PTPRG: variants seen among roughly 807,000 people sequenced by gnomAD.
The protein encoded by PTPRG is protein tyrosine phosphatase receptor type G.
In PTPRG, 102 loss-of-function variants were observed where a neutral mutation model predicts 165.3. That is an observed-to-expected ratio of 0.62 (90% CI 0.53 to 0.73). The LOEUF (loss-of-function observed/expected upper bound fraction) is 0.73, where lower values mean the gene tolerates loss of function less well. Among genes scored for constraint, PTPRG ranks in the 30% least tolerant of loss-of-function variants. PTPRG has a pLI of 0.00. For synonymous variants in PTPRG, 675 were observed against 669.5 expected (o/e 1.01, Z -0.13); for missense variants, 1,866 against 1,861.4 (o/e 1.00, Z -0.05).
intron 25 of PTPRG, among the ~76,000 whole-genome samples, chr3:62,277,303 A>G (rs1702262221): frequency 6.6e-6 from 1 of 152,172 alleles, no homozygotes; most frequent in Non-Finnish European, 1.5e-5. Flanking sequence ...GTCTTTGAAT[A>G]AATGTTGAAA....
Position 62,222,931 on chromosome 3 carries a change from A to G in PTPRG, c.2288+3948A>G, listed in dbSNP as rs113693344. ...TGGAGAAGGATAAATCCAAGTTGCTATAACAGCATATAGGAAGGGCTTCAG... is the reference window on the plus strand; with the variant it reads ...TGGAGAAGGATAAATCCAAGTTGCTGTAACAGCATATAGGAAGGGCTTCAG... On this transcript the variant is annotated intron_variant, in intron 13 of 29. Transcript: ENST00000474889. The surrounding 1 kb of genome is among the most constrained non-coding windows in gnomAD (Gnocchi z 4.5). 1.5e-3 allele frequency among the ~76,000 whole-genome samples: 225 copies of G among 152,256 alleles called. 2 individuals are homozygous for G. Among genetic ancestry groups the G allele is most frequent in the African/African-American group, 5.1e-3 (212 of 41,550 alleles).
chr3:62,189,157 G>T (rs1042829899), intron 8 of PTPRG, among the ~76,000 whole-genome samples: 3 of 152,112 alleles, frequency 2.0e-5, no homozygotes, highest in African/African-American at 7.2e-5. Context: ...GGGTTCTGCG[G>T]GGCAGTGGGA....
intron 2 of PTPRG, among the ~76,000 whole-genome samples, chr3:61,795,339 C>G (rs1292203048): frequency 6.6e-6 from 1 of 151,886 alleles, no homozygotes; most frequent in African/African-American, 2.4e-5. Flanking sequence ...CTTTTTTAAT[C>G]TGTAAAAAGT....
chr3:61,963,533 A>G (rs2040201024), intron 2 of PTPRG, among the ~76,000 whole-genome samples: 2 of 152,204 alleles, frequency 1.3e-5, no homozygotes, highest in Non-Finnish European at 1.5e-5. Context: ...TTAATTCCTT[A>G]TGAGACTACC....
At chr3:62,080,850 C>T (rs1175975029) in intron 5 of PTPRG, among the ~76,000 whole-genome samples, 2 of 152,150 alleles carry the variant, frequency 1.3e-5, no homozygotes, top group African/African-American at 4.8e-5. Flanking sequence ...TCGAGGACAC[C>T]GCTACTAGTT....
intron 1 of PTPRG, among the ~76,000 whole-genome samples, chr3:61,716,920 C>T (rs1367659547): frequency 6.6e-6 from 1 of 152,050 alleles, no homozygotes; most frequent in Non-Finnish European, 1.5e-5. Flanking sequence ...TGCAGTGAGC[C>T]AAAATCGTGC....
intron 14 of PTPRG, among the ~76,000 whole-genome samples, chr3:62,235,578 T>C (rs1701012383): frequency 6.6e-6 from 1 of 152,168 alleles, no homozygotes; most frequent in East Asian, 1.9e-4. Flanking sequence ...GAGAATATAG[T>C]TTTGAGACCA....
In PTPRG at chr3:62,033,538, C is replaced by A. The variant is rs890893559; in HGVS notation, c.519+30041C>A. Among the ~76,000 whole-genome samples the A allele has an allele frequency of 5.7e-5, 7 of 121,902 alleles. 1 individual carries two copies. The South Asian group carries it at 1.4e-3, about 25-fold the overall frequency. The allele number at this position is 121,902 out of a possible 152,430, so 80.0% of individuals were successfully genotyped here. A position where few individuals can be genotyped will look rare whatever the true frequency, so the allele number is the denominator to read the frequency against. On this transcript the variant is annotated intron_variant, in intron 4 of 29. Transcript: ENST00000474889. ...ACATACCATGCCTATCTTCCCCCCC[C>A]CACCCCCCACCAGAGATAGGGCCTC...
chr3:61,900,716 A>G (rs2038476539), intron 2 of PTPRG, among the ~76,000 whole-genome samples: 1 of 152,210 alleles, frequency 6.6e-6, no homozygotes, highest in South Asian at 2.1e-4. Context: ...AACAAATATC[A>G]GACAAGTTAG....
chr3:61,629,262 C>G (rs920552160), intron 1 of PTPRG, among the ~76,000 whole-genome samples: 5 of 152,198 alleles, frequency 3.3e-5, no homozygotes, highest in Admixed American at 3.3e-4. Context: ...TCAAGTGATT[C>G]TCCTGCCTCA....
At chr3:62,174,976 C>T (rs1163799844) in intron 8 of PTPRG, among the ~76,000 whole-genome samples, 1 of 151,916 alleles carries the variant, frequency 6.6e-6, no homozygotes, top group Non-Finnish European at 1.5e-5. Flanking sequence ...CTTTTTTTAA[C>T]CTGGAGTGTT....
intron 1 of PTPRG, among the ~76,000 whole-genome samples, chr3:61,729,613 G>A (rs1437789180): frequency 6.6e-6 from 1 of 152,098 alleles, no homozygotes; most frequent in African/African-American, 2.4e-5. Context: ...ATGAAAATGA[G>A]CTTTACTTTT....
At position 61,562,198 on chromosome 3, in the gene PTPRG, C is replaced by T. The variant is rs1257138528; in HGVS notation, c.-90C>T. On this transcript the variant is annotated 5_prime_UTR_variant, in exon 1 of 30. Transcript: ENST00000474889. ...GTGGAGCGGGCGAGCCGGGGAAGCG[C>T]CCCGGCTTAGCGGAGGCTCGCACGG... 4.0e-6 allele frequency: 5 copies of T among 1,259,522 alleles called. No individual in the cohort carries two copies. In the African/African-American group the frequency reaches 7.4e-5, roughly 19 times the overall value. 78.0% of individuals were successfully genotyped at this position (1,259,522 alleles called of 1,614,324 possible). A position where few individuals can be genotyped will look rare whatever the true frequency, so the allele number is the denominator to read the frequency against.
At chr3:62,160,216 A>G (rs1454775706) in intron 7 of PTPRG, among the ~76,000 whole-genome samples, 1 of 152,198 alleles carries the variant, frequency 6.6e-6, no homozygotes, top group Non-Finnish European at 1.5e-5. Context: ...CAAAGTGTTG[A>G]CTTGTATGAT....
At chr3:61,846,569 T>G (rs1025713715) in intron 2 of PTPRG, among the ~76,000 whole-genome samples, 4 of 152,194 alleles carry the variant, frequency 2.6e-5, no homozygotes, top group Non-Finnish European at 5.9e-5. Flanking sequence ...TGCATAGAGC[T>G]TGCCACAGTA....
chr3:61,658,617 G>A (rs1156302689), intron 1 of PTPRG, among the ~76,000 whole-genome samples: 1 of 151,984 alleles, frequency 6.6e-6, no homozygotes, highest in Non-Finnish European at 1.5e-5. Context: ...ATTTATTCCC[G>A]AGATAAGTGT....
At chr3:62,057,532 C>A (rs1700672351) in intron 4 of PTPRG, among the ~76,000 whole-genome samples, 1 of 152,146 alleles carries the variant, frequency 6.6e-6, no homozygotes, top group African/African-American at 2.4e-5. Flanking sequence ...GGCCCCAGGC[C>A]AGTAATGTGG....
intron 6 of PTPRG, among the ~76,000 whole-genome samples, chr3:62,153,171 T>C (rs1329755824): frequency 2.0e-5 from 3 of 152,230 alleles, no homozygotes; most frequent in African/African-American, 4.8e-5. Context: ...TTTGGTACTT[T>C]ATAGAAAACG....
At chr3:61,665,946 G>C (rs1702801511) in intron 1 of PTPRG, among the ~76,000 whole-genome samples, 1 of 151,668 alleles carries the variant, frequency 6.6e-6, no homozygotes, top group Non-Finnish European at 1.5e-5. Flanking sequence ...ACTTATATTG[G>C]AAAGGATTAG....
Sources: gnomAD v4.1 joint callset for allele counts (sites outside exome capture counted in the v4.1 genomes callset) on GRCh38, gnomAD v4.1.1 for gene constraint, Gnocchi (gnomAD v3.1) non-coding constraint, MANE v1.5 for transcripts, NCBI Gene and HGNC (gene_info 2026-07-23, HGNC 2026-07-21) for gene names.